The following SEMA5A variants were observed in gnomAD, a reference collection of about 807,000 sequenced individuals.
SEMA5A encodes the protein semaphorin 5A, also known as semaphorin-5A.
A neutral mutation model predicts 135.5 loss-of-function variants in SEMA5A; 55 were observed. The observed-to-expected ratio is 0.41, with a 90% CI of 0.33 to 0.51. The LOEUF (loss-of-function observed/expected upper bound fraction) is 0.51. Ranked by LOEUF, SEMA5A falls within the 20% of genes least tolerant of loss-of-function variation. The pLI, the probability that SEMA5A is intolerant of heterozygous loss-of-function variation, is 0.37. For synonymous variants in SEMA5A, 580 were observed against 546.5 expected, an observed-to-expected ratio of 1.06 and a Z score of -0.85; for missense variants, 1,290 against 1,419.9, an observed-to-expected ratio of 0.91 and a Z score of 1.47.
intron 5 of SEMA5A, among the ~76,000 whole-genome samples, chr5:9,248,843 G>A (rs921151418): frequency 2.0e-5 from 3 of 152,078 alleles, no homozygotes; most frequent in African/African-American, 7.2e-5. Flanking sequence ...GTGGCCCGGG[G>A]GACCCCTTTA....
chr5:9,273,598 AG>A (rs962692887), intron 5 of SEMA5A, among the ~76,000 whole-genome samples: 11 of 152,120 alleles, frequency 7.2e-5, no homozygotes, highest in African/African-American at 2.7e-4. Context: ...GAGAAAGGTC[AG>A]GTTACCCACA....
At chr5:9,338,375 C>T (rs1753491341) in intron 3 of SEMA5A, among the ~76,000 whole-genome samples, 1 of 152,074 alleles carries the variant, frequency 6.6e-6, no homozygotes, top group Non-Finnish European at 1.5e-5. Flanking sequence ...TACTTCTAGG[C>T]TTCATTTGCA....
chr5:9,320,321 C>G (rs1314295128), intron 4 of SEMA5A, among the ~76,000 whole-genome samples: 1 of 152,168 alleles, frequency 6.6e-6, no homozygotes, highest in Non-Finnish European at 1.5e-5. Flanking sequence ...CTACAGCCCT[C>G]TATGTAGAAC....
At chr5:9,257,755 T>C (rs1749155888) in intron 5 of SEMA5A, among the ~76,000 whole-genome samples, 1 of 151,900 alleles carries the variant, frequency 6.6e-6, no homozygotes, top group Admixed American at 6.6e-5. Context: ...TGCATCAAGG[T>C]GGTGGTCAGG....
intron 5 of SEMA5A, among the ~76,000 whole-genome samples, chr5:9,277,799 G>A (rs193178258): frequency 1.8e-3 from 280 of 151,738 alleles, no homozygotes; most frequent in African/African-American, 6.3e-3. Flanking sequence ...GGAATATCAC[G>A]CACTGTCAGG....
chr5:9,093,425 A>C (rs1739142463), intron 16 of SEMA5A, among the ~76,000 whole-genome samples: 2 of 152,208 alleles, frequency 1.3e-5, no homozygotes, highest in African/African-American at 4.8e-5. Context: ...AAAGAACTGA[A>C]TGGCCGGGCG....
At chr5:9,394,885 GA>G (rs1756321598) in intron 2 of SEMA5A, among the ~76,000 whole-genome samples, 1 of 151,602 alleles carries the variant, frequency 6.6e-6, no homozygotes, top group African/African-American at 2.4e-5. Context: ...GATGTGAGTG[GA>G]AAAAAATAAA....
intron 1 of SEMA5A, among the ~76,000 whole-genome samples, chr5:9,438,745 G>C (rs166536): frequency 0.9 from 137,616 of 152,230 alleles, 62,496 homozygotes; most frequent in Middle Eastern, 0.95. Flanking sequence ...ATTCTTCCTC[G>C]CCACCCTGAA....
chr5:9,389,367 C>T (rs567585744), intron 2 of SEMA5A, among the ~76,000 whole-genome samples: 61 of 152,288 alleles, frequency 4.0e-4, no homozygotes, highest in African/African-American at 1.4e-3. Context: ...TCTCCCCAAC[C>T]TCTGTATATA....
At chr5:9,207,411 C>T (rs953838815) in intron 8 of SEMA5A, among the ~76,000 whole-genome samples, 1 of 151,986 alleles carries the variant, frequency 6.6e-6, no homozygotes, top group East Asian at 1.9e-4. Flanking sequence ...TCTTGAACTC[C>T]CAACCTCAGG....
intron 16 of SEMA5A, among the ~76,000 whole-genome samples, chr5:9,074,495 A>G (rs1737939022): frequency 6.6e-6 from 1 of 152,176 alleles, no homozygotes; most frequent in African/African-American, 2.4e-5. Flanking sequence ...ATTAAAATGA[A>G]TTAATCAAAA....
chr5:9,525,304 G>T (rs1579685804), intron 1 of SEMA5A, among the ~76,000 whole-genome samples: 2 of 152,278 alleles, frequency 1.3e-5, no homozygotes, highest in East Asian at 3.9e-4. Flanking sequence ...AGAAAACTTT[G>T]CTGATCCCTG....
chr5:9,441,247 T>C (rs1248788231), intron 1 of SEMA5A, among the ~76,000 whole-genome samples: 1 of 152,192 alleles, frequency 6.6e-6, no homozygotes, highest in Non-Finnish European at 1.5e-5. Context: ...AAGTTACTTA[T>C]GGGCAGAAGA....
chr5:9,394,631 G>C (rs1368125469), intron 2 of SEMA5A, among the ~76,000 whole-genome samples: 3 of 152,164 alleles, frequency 2.0e-5, no homozygotes, highest in African/African-American at 7.2e-5. Flanking sequence ...AGGTGGGGGA[G>C]CAGGCAGGTT....
At chr5:9,344,764 G>A (rs1174182987) in intron 3 of SEMA5A, among the ~76,000 whole-genome samples, 1 of 152,150 alleles carries the variant, frequency 6.6e-6, no homozygotes, top group Admixed American at 6.5e-5. Context: ...GAAAATATGA[G>A]GCCAATTTTT....
chr5:9,185,278 T>A (rs1744745643), intron 11 of SEMA5A, among the ~76,000 whole-genome samples: 2 of 152,132 alleles, frequency 1.3e-5, no homozygotes. Context: ...CAATTAACCT[T>A]GGGGCTAGGG....
chr5:9,484,816 C>T (rs1760016041), intron 1 of SEMA5A, among the ~76,000 whole-genome samples: 1 of 152,024 alleles, frequency 6.6e-6, no homozygotes, highest in Non-Finnish European at 1.5e-5. Context: ...GAGGTTCTTG[C>T]ATCAACATCC....
intron 11 of SEMA5A, among the ~76,000 whole-genome samples, chr5:9,165,464 T>A (rs1743552566): frequency 6.6e-6 from 1 of 152,210 alleles, no homozygotes; most frequent in Non-Finnish European, 1.5e-5. Flanking sequence ...CAGCCTTCAG[T>A]GTGCTGAATC....
At chr5:9,262,819 C>T (rs1322101802) in intron 5 of SEMA5A, among the ~76,000 whole-genome samples, 1 of 118,234 alleles carries the variant, frequency 8.5e-6, no homozygotes, top group African/African-American at 3.3e-5. Context: ...GTGGGTGCAG[C>T]GCACCAGCAT....
Sources: gnomAD v4.1 joint callset for allele counts (sites outside exome capture counted in the v4.1 genomes callset) on GRCh38, gnomAD v4.1.1 for gene constraint, MANE v1.5 for transcripts, NCBI Gene and HGNC (gene_info 2026-07-23, HGNC 2026-07-21) for gene names.